Variants in FBXO34 observed in about 807,000 individuals in gnomAD.
The protein encoded by FBXO34 is F-box only protein 34.
In FBXO34, 12 loss-of-function variants were observed where a neutral mutation model predicts 24.5. The observed-to-expected ratio is 0.49, with a 90% CI of 0.31 to 0.79. The LOEUF (loss-of-function observed/expected upper bound fraction) is 0.79. Ranked by LOEUF, FBXO34 falls within the 30% of genes least tolerant of loss-of-function variation. The probability of loss-of-function intolerance (pLI) is 0.04; values close to 1 mark genes in which losing one functional copy is unlikely to be tolerated. For missense variants in FBXO34, 823 were observed against 857.7 expected (o/e 0.96, Z 0.51); for synonymous variants, 320 against 311.9 (o/e 1.03, Z -0.27).
intron 1 of FBXO34, among the ~76,000 whole-genome samples, chr14:55,272,525 CTTT>C (rs542675528): frequency 4.4e-5 from 5 of 113,562 alleles, no homozygotes; most frequent in African/African-American, 3.1e-5. Context: ...AATCAGTTTG[CTTT>C]TTTTTTTTTT....
At chr14:55,429,837 C>T in the FBXO34 span, among the ~76,000 whole-genome samples, 1 of 150,088 alleles carries the variant, frequency 6.7e-6, no homozygotes, top group African/African-American at 2.5e-5. Context: ...AAAAAAATCG[C>T]ATATAAGGAG....
chr14:55,361,807 C>T (rs1275597271), exon 4 of FBXO34: 1 of 152,260 alleles, frequency 6.6e-6, no homozygotes, highest in Non-Finnish European at 1.5e-5. Flanking sequence ...TCACTTCTCT[C>T]AACCATCAGA....
chr14:55,293,372 T>C (rs961399902), intron 1 of FBXO34, among the ~76,000 whole-genome samples: 6 of 151,616 alleles, frequency 4.0e-5, no homozygotes, highest in African/African-American at 1.5e-4. Flanking sequence ...GAAGATGGGG[T>C]TAACCCTTGC....
At chr14:55,406,267 C>G in the FBXO34 span, among the ~76,000 whole-genome samples, 1 of 152,096 alleles carries the variant, frequency 6.6e-6, no homozygotes, top group African/African-American at 2.4e-5. Context: ...CTTTGATATG[C>G]ATTATCACAT....
intron 1 of FBXO34, among the ~76,000 whole-genome samples, chr14:55,345,774 G>A (rs1313365103): frequency 2.0e-5 from 3 of 152,200 alleles, no homozygotes; most frequent in Admixed American, 6.5e-5. Context: ...GGCCAAGGTG[G>A]GAGGCTTACC....
intron 1 of FBXO34, among the ~76,000 whole-genome samples, chr14:55,285,790 T>C (rs916985735): frequency 2.6e-5 from 4 of 152,366 alleles, no homozygotes; most frequent in Admixed American, 2.0e-4. Flanking sequence ...AACTGAACAC[T>C]TGTTCATGTT....
intron 1 of FBXO34, among the ~76,000 whole-genome samples, chr14:55,300,885 T>C (rs912924136): frequency 4.6e-5 from 7 of 152,226 alleles, no homozygotes; most frequent in African/African-American, 1.7e-4. Context: ...AAGCCTTATA[T>C]CCCAATGAGC....
chr14:55,414,274 C>G, the FBXO34 span: 1 of 861,098 alleles, frequency 1.2e-6, no homozygotes. Context: ...TAATAAGTAA[C>G]GTACTTGTAA....
downstream of FBXO34, among the ~76,000 whole-genome samples, chr14:55,364,405 T>C (rs76892642): frequency 6.6e-6 from 1 of 152,120 alleles, no homozygotes; most frequent in Non-Finnish European, 1.5e-5. Flanking sequence ...GGAGGAAAGA[T>C]TGTCCCACTG....
chr14:55,298,569 T>G, intron 1 of FBXO34: 1 of 706,478 alleles, frequency 1.4e-6, no homozygotes, highest in Non-Finnish European at 2.4e-6. Context: ...AAAGCAAATT[T>G]GGCAGGGTGG....
intron 1 of FBXO34, among the ~76,000 whole-genome samples, chr14:55,326,813 A>G (rs1435407240): frequency 1.3e-5 from 2 of 152,196 alleles, no homozygotes; most frequent in African/African-American, 4.8e-5. Flanking sequence ...CAATAATACA[A>G]ACTTTAGGGA....
chr14:55,396,392 G>T, the FBXO34 span, among the ~76,000 whole-genome samples: 1 of 152,294 alleles, frequency 6.6e-6, no homozygotes, highest in South Asian at 2.1e-4. Flanking sequence ...GAAAAATAAA[G>T]TTTTTGTGTT....
chr14:55,395,693 T>C, the FBXO34 span, among the ~76,000 whole-genome samples: 206 of 152,306 alleles, frequency 1.4e-3, no homozygotes, highest in African/African-American at 4.8e-3. Flanking sequence ...TAACAGCCCA[T>C]TGTTTTTGTT....
downstream of FBXO34, among the ~76,000 whole-genome samples, chr14:55,357,111 T>C (rs192161508): frequency 6.6e-6 from 1 of 152,336 alleles, no homozygotes; most frequent in Non-Finnish European, 1.5e-5. Context: ...ATAGCTGATG[T>C]TTGCACAACC....
At chr14:55,391,987 C>T in the FBXO34 span, among the ~76,000 whole-genome samples, 1 of 152,136 alleles carries the variant, frequency 6.6e-6, no homozygotes, top group Non-Finnish European at 1.5e-5. Flanking sequence ...GTTCAGCACC[C>T]CCTAAAGCAG....
chr14:55,387,733 A>G, the FBXO34 span, among the ~76,000 whole-genome samples: 1 of 152,016 alleles, frequency 6.6e-6, no homozygotes, highest in Non-Finnish European at 1.5e-5. Flanking sequence ...GCAGTGGTGC[A>G]TCTCGGCTCA....
At chr14:55,334,516 AT>A (rs1193101821) in intron 1 of FBXO34, among the ~76,000 whole-genome samples, 1 of 112,994 alleles carries the variant, frequency 8.9e-6, no homozygotes, top group Non-Finnish European at 1.7e-5. Flanking sequence ...GTTAGTAGCC[AT>A]TGGGTAATAT....
chr14:55,392,373 G>A, the FBXO34 span, among the ~76,000 whole-genome samples: 1 of 152,230 alleles, frequency 6.6e-6, no homozygotes, highest in East Asian at 1.9e-4. Context: ...CTATGGCCGG[G>A]TGCAGTGACT....
chr14:55,405,656 T>G, the FBXO34 span, among the ~76,000 whole-genome samples: 1 of 152,238 alleles, frequency 6.6e-6, no homozygotes, highest in Non-Finnish European at 1.5e-5. Context: ...CTATCAGGTA[T>G]CTACTGGGTA....
Sources: gnomAD v4.1 joint callset for allele counts (sites outside exome capture counted in the v4.1 genomes callset) on GRCh38, gnomAD v4.1.1 for gene constraint, MANE v1.5 for transcripts, NCBI Gene and HGNC (gene_info 2026-07-23, HGNC 2026-07-21) for gene names.